CCDC171: variants seen among roughly 807,000 people sequenced by gnomAD.
The protein encoded by CCDC171 is coiled-coil domain-containing protein 171.
In CCDC171, 177 loss-of-function variants were observed where a neutral mutation model predicts 168.2. The observed-to-expected ratio is 1.05, with a 90% confidence interval of 0.93 to 1.19. The LOEUF (loss-of-function observed/expected upper bound fraction) is 1.19, where lower values mean the gene tolerates loss of function less well. Ranked by LOEUF, CCDC171 falls within the 50% of genes most tolerant of loss-of-function variation. The probability of loss-of-function intolerance (pLI) is 0.00; values close to 1 mark genes in which losing one functional copy is unlikely to be tolerated. For synonymous variants in CCDC171, 687 were observed against 540.8 expected, an observed-to-expected ratio of 1.27 and a Z score of -3.75; for missense variants, 1,991 against 1,539.0, an observed-to-expected ratio of 1.29 and a Z score of -4.91.
At chr9:15,888,715 A>G (rs903377825) in intron 24 of CCDC171, among the ~76,000 whole-genome samples, 3 of 152,208 alleles carry the variant, frequency 2.0e-5, no homozygotes, top group Middle Eastern at 3.4e-3. Context: ...TCCGAATGAT[A>G]TAATTTTGTT....
At chr9:15,563,906 A>C in intron 1 of CCDC171, 72 bp from the exon 2 acceptor site, 1 of 556,666 alleles carries the variant, frequency 1.8e-6, no homozygotes, top group South Asian at 2.3e-5. Flanking sequence ...TCCAAAATAA[A>C]CCAAAAAACA....
At chr9:16,098,674 T>C in the CCDC171 span, among the ~76,000 whole-genome samples, 2 of 152,242 alleles carry the variant, frequency 1.3e-5, no homozygotes, top group African/African-American at 2.4e-5. Flanking sequence ...AAAACACTAC[T>C]AGTTGGGTTT....
Position 15,846,690 on chromosome 9 carries a change from G to A in CCDC171, c.3268-12G>A, listed in dbSNP as rs780828683. 1 of 1,611,752 alleles carries A rather than the reference G, an allele frequency of 6.2e-7. No individual in the cohort carries two copies. Among genetic ancestry groups the A allele is most frequent in the Non-Finnish European group, 8.5e-7 (1 of 1,178,726 alleles). On this transcript the variant is annotated splice_polypyrimidine_tract_variant and intron_variant, in intron 21 of 25. Coordinates refer to ENST00000380701, the MANE Select transcript of CCDC171 (RefSeq NM_173550.4). ...GGGCTGACAAGTAACTCTGTTTTCT[G>A]TCTGCTTGCAGAGTCTCTCCGAGGC...
intron 3 of CCDC171, among the ~76,000 whole-genome samples, chr9:15,991,033 C>T (rs984749573): frequency 7.2e-5 from 11 of 151,974 alleles, no homozygotes; most frequent in Non-Finnish European, 1.5e-4. Flanking sequence ...AGAAAGTTAA[C>T]AAGGATATCC....
intron 24 of CCDC171, among the ~76,000 whole-genome samples, chr9:15,914,871 C>G (rs1001064498): frequency 6.6e-6 from 1 of 152,128 alleles, no homozygotes; most frequent in African/African-American, 2.4e-5. Flanking sequence ...ACGTCAGGGT[C>G]CCTCATGGCT....
At chr9:15,646,719 CACCCAA>C (rs2047070677) in intron 7 of CCDC171, among the ~76,000 whole-genome samples, 1 of 152,184 alleles carries the variant, frequency 6.6e-6, no homozygotes, top group Admixed American at 6.5e-5. Context: ...AATATATATG[CACCCAA>C]TACAGGAGCA....
intron 11 of CCDC171, among the ~76,000 whole-genome samples, chr9:15,717,210 C>T (rs1171213458): frequency 1.3e-5 from 2 of 152,132 alleles, no homozygotes; most frequent in African/African-American, 4.8e-5. Context: ...TGGGACTTTG[C>T]ATTGAAGCTC....
At chr9:15,583,733 T>C (rs2131324076) in intron 4 of CCDC171, among the ~76,000 whole-genome samples, 1 of 152,022 alleles carries the variant, frequency 6.6e-6, no homozygotes, top group South Asian at 2.1e-4. Flanking sequence ...ACTAATGAAC[T>C]TTTGCCTGCA....
chr9:16,036,191 G>A (rs1833463701), exon 8 of CCDC171: 1 of 152,214 alleles, frequency 6.6e-6, no homozygotes, highest in Admixed American at 6.5e-5. Flanking sequence ...CATTGGACAT[G>A]GATTCCTGGC....
intron 21 of CCDC171, among the ~76,000 whole-genome samples, chr9:15,823,318 G>A (rs900362087): frequency 6.6e-6 from 1 of 151,900 alleles, no homozygotes; most frequent in African/African-American, 2.4e-5. Context: ...AAAACTTAAA[G>A]TATAATAATA....
chr9:15,788,800 G>A (rs963401057), intron 21 of CCDC171, among the ~76,000 whole-genome samples: 24 of 152,000 alleles, frequency 1.6e-4, no homozygotes, highest in African/African-American at 4.6e-4. Flanking sequence ...CGATCCCCTT[G>A]TCTTGGCCTC....
At chr9:15,619,275 A>C (rs902825370) in intron 6 of CCDC171, among the ~76,000 whole-genome samples, 1 of 152,200 alleles carries the variant, frequency 6.6e-6, no homozygotes, top group Non-Finnish European at 1.5e-5. Context: ...GGAATGTTGA[A>C]AACCAGTACA....
intron 18 of CCDC171, among the ~76,000 whole-genome samples, chr9:15,775,681 T>G (rs1200468728): frequency 6.6e-6 from 1 of 152,240 alleles, no homozygotes; most frequent in African/African-American, 2.4e-5. Context: ...GTGAAAAATT[T>G]TTTTGTATCC....
chr9:15,771,278 CAGTATTCTTT>C (rs1295131029), intron 18 of CCDC171, among the ~76,000 whole-genome samples: 1 of 152,128 alleles, frequency 6.6e-6, no homozygotes, highest in Non-Finnish European at 1.5e-5. Context: ...AAAGTACTAT[CAGTATTCTTT>C]ACATTGTTCT....
intron 4 of CCDC171, 69 bp downstream of exon 4, chr9:15,579,092 T>C (rs2040914529): frequency 8.0e-7 from 1 of 1,243,362 alleles, no homozygotes; most frequent in African/African-American, 1.5e-5. Flanking sequence ...CTCGCTGTTG[T>C]GTGTACATCC....
At chr9:15,746,436 C>T (rs1323667412) in intron 18 of CCDC171, among the ~76,000 whole-genome samples, 1 of 152,100 alleles carries the variant, frequency 6.6e-6, no homozygotes, top group Non-Finnish European at 1.5e-5. Context: ...TTGTGGCCAT[C>T]GATGTTGGTA....
intron 7 of CCDC171, among the ~76,000 whole-genome samples, chr9:15,646,032 G>T (rs1441980120): frequency 6.6e-6 from 1 of 152,220 alleles, no homozygotes; most frequent in South Asian, 2.1e-4. Flanking sequence ...AAGCCCATCA[G>T]ACTAACAGTG....
At chr9:15,694,277 A>T (rs1293498536) in intron 10 of CCDC171, among the ~76,000 whole-genome samples, 1 of 152,162 alleles carries the variant, frequency 6.6e-6, no homozygotes, top group Non-Finnish European at 1.5e-5. Flanking sequence ...GATGATTCCC[A>T]AACCTATACC....
At chr9:16,095,585 A>T in the CCDC171 span, among the ~76,000 whole-genome samples, 1 of 152,066 alleles carries the variant, frequency 6.6e-6, no homozygotes, top group South Asian at 2.1e-4. Context: ...ATGTTGAAAT[A>T]TGGAAAACTG....
Sources: gnomAD v4.1 joint callset for allele counts (sites outside exome capture counted in the v4.1 genomes callset) on GRCh38, gnomAD v4.1.1 for gene constraint, MANE v1.5 for transcripts, NCBI Gene and HGNC (gene_info 2026-07-23, HGNC 2026-07-21) for gene names.